ROBO2: variants seen among roughly 807,000 people sequenced by gnomAD.
ROBO2 encodes roundabout guidance receptor 2.
ROBO2 carries 53 observed loss-of-function variants against 160.8 expected under a neutral mutation model. That is an observed-to-expected ratio of 0.33 (90% CI 0.26 to 0.41). ROBO2 has a LOEUF of 0.41. Ranked by LOEUF, ROBO2 falls within the 10% of genes least tolerant of loss-of-function variation. The pLI is 1.00. For missense variants in ROBO2, 1,577 were observed against 1,722.4 expected (o/e 0.92, Z 1.49); for synonymous variants, 664 against 611.7 (o/e 1.09, Z -1.26).
At chr3:76,556,434 A>G (rs2083794828) in intron 2 of ROBO2, among the ~76,000 whole-genome samples, 1 of 152,318 alleles carries the variant, frequency 6.6e-6, no homozygotes, top group Non-Finnish European at 1.5e-5. Context: ...TGGAGGTTGT[A>G]CTTTTTAAGG....
intron 1 of ROBO2, among the ~76,000 whole-genome samples, chr3:75,928,554 C>T (rs182818514): frequency 6.6e-6 from 1 of 152,282 alleles, no homozygotes; most frequent in African/African-American, 2.4e-5. Flanking sequence ...TTCATCAGTC[C>T]TGGGTTACTT....
intron 2 of ROBO2, among the ~76,000 whole-genome samples, chr3:76,043,620 C>CAAA (rs56988287): frequency 0.38 from 14,529 of 38,388 alleles, 3,965 homozygotes; most frequent in South Asian, 0.46. Flanking sequence ...CTTCATCGTC[C>CAAA]AAAAAAAAAA....
chr3:77,558,148 G>A lies in ROBO2; in HGVS notation c.1436G>A (p.Arg479Gln), dbSNP rs746150931. The change falls in exon 9 of 26, where the codon CGG becomes CAG. Residue 479 changes from arginine (R) to glutamine (Q), a missense_variant and splice_region_variant. Arg to Gln is a conservative substitution (Grantham distance 43). This residue lies in a region of ROBO2 where 940 missense variants were observed against 1,135.5 expected (regional missense o/e 0.83). Transcript: ENST00000461745. ...GGCACACTGCAGATTAAGAATTTAC[G>A]GGTAAGTAATATTGGACTTGTACAT... The A allele has an allele frequency of 1.1e-5, 17 of 1,611,562 alleles. No individual in the cohort carries two copies. The highest frequency in any genetic ancestry group is 8.9e-5 in the East Asian group (4 of 44,824).
At chr3:76,141,137 CTCTCTCTCTCTCTCTCTCTCTCTATA>C (rs1185878240) in intron 2 of ROBO2, among the ~76,000 whole-genome samples, 87 of 58,446 alleles carry the variant, frequency 1.5e-3, no homozygotes, top group African/African-American at 6.2e-3. Flanking sequence ...CTCTCTCTCT[CTCTCTCTCTCTCTCTCTCTCTCTATA>C]TATATATATA....
At chr3:76,324,764 A>G (rs369367015) in intron 2 of ROBO2, among the ~76,000 whole-genome samples, 2 of 152,206 alleles carry the variant, frequency 1.3e-5, no homozygotes, top group South Asian at 4.1e-4. Flanking sequence ...GCACTTTACT[A>G]CATGCAATTT....
intron 21 of ROBO2, among the ~76,000 whole-genome samples, chr3:77,617,041 T>C (rs2094795177): frequency 6.6e-6 from 1 of 152,168 alleles, no homozygotes; most frequent in Admixed American, 6.6e-5. Context: ...TAATGACATA[T>C]GGAATGAAAG....
intron 5 of ROBO2, among the ~76,000 whole-genome samples, chr3:77,499,014 A>T (rs2087172593): frequency 6.6e-6 from 1 of 152,208 alleles, no homozygotes; most frequent in African/African-American, 2.4e-5. Flanking sequence ...TAAATGAAAA[A>T]TCTTTATTTT....
At chr3:77,111,213 G>A (rs1283651140) in intron 2 of ROBO2, among the ~76,000 whole-genome samples, 1 of 151,858 alleles carries the variant, frequency 6.6e-6, no homozygotes, top group Non-Finnish European at 1.5e-5. Flanking sequence ...AGCATATCTA[G>A]AATTTATAAA....
At chr3:76,300,435 G>C (rs1159230039) in intron 2 of ROBO2, among the ~76,000 whole-genome samples, 1 of 151,978 alleles carries the variant, frequency 6.6e-6, no homozygotes, top group Admixed American at 6.6e-5. Context: ...TGTTCAGTGA[G>C]AGATATATTG....
chr3:77,478,871 A>G (rs1159546823), intron 3 of ROBO2, among the ~76,000 whole-genome samples: 3 of 152,132 alleles, frequency 2.0e-5, no homozygotes, highest in Non-Finnish European at 4.4e-5. Flanking sequence ...AGAGGCAAAG[A>G]TATTTTTTCC....
At chr3:76,617,877 G>C (rs976606178) in intron 2 of ROBO2, among the ~76,000 whole-genome samples, 1 of 151,608 alleles carries the variant, frequency 6.6e-6, no homozygotes, top group Admixed American at 6.6e-5. Context: ...GCTTAGCAAA[G>C]GAGGAAATGC....
chr3:77,459,006 T>C (rs1224684186), intron 2 of ROBO2, among the ~76,000 whole-genome samples: 2 of 152,196 alleles, frequency 1.3e-5, no homozygotes, highest in Admixed American at 6.5e-5. Flanking sequence ...ATTGACCTTA[T>C]AGACAAGAAA....
At chr3:75,908,799 G>A (rs1309213733) in intron 1 of ROBO2, among the ~76,000 whole-genome samples, 6 of 152,088 alleles carry the variant, frequency 3.9e-5, no homozygotes, top group Non-Finnish European at 7.3e-5. Context: ...CCTAAAAACT[G>A]ACCTGTGTCC....
At chr3:75,917,269 A>G (rs1946852969) in intron 1 of ROBO2, among the ~76,000 whole-genome samples, 1 of 151,830 alleles carries the variant, frequency 6.6e-6, no homozygotes, top group Admixed American at 6.6e-5. Context: ...GCTCCCACTT[A>G]TGAGTGAGAA....
At chr3:77,494,869 A>G (rs189733345) in intron 5 of ROBO2, among the ~76,000 whole-genome samples, 2 of 152,372 alleles carry the variant, frequency 1.3e-5, no homozygotes, top group African/African-American at 4.8e-5. Flanking sequence ...CTACAGGAAT[A>G]AAACAAGTGA....
chr3:76,855,723 T>A lies in ROBO2; in HGVS notation c.110-242291T>A, dbSNP rs2069987183. Among the ~76,000 whole-genome samples the A allele has an allele frequency of 2.0e-5, 3 of 152,354 alleles. No individual in the cohort carries two copies. The South Asian group carries it at 6.2e-4, about 32-fold the overall frequency. On this transcript the variant is annotated intron_variant, in intron 2 of 26. Transcript: ENST00000487694. Reference sequence around the variant, plus strand: ...GATTGCAGTAGTTTGACATTTTTATTTAATTTCCATCAAGAATAAGAAATG... The same window carrying A: ...GATTGCAGTAGTTTGACATTTTTATATAATTTCCATCAAGAATAAGAAATG...
chr3:76,014,912 A>G (rs890896400), intron 2 of ROBO2, among the ~76,000 whole-genome samples: 59 of 152,324 alleles, frequency 3.9e-4, no homozygotes, highest in African/African-American at 1.4e-3. Flanking sequence ...TGAACCACAG[A>G]GTGAGACCCT....
upstream of ROBO2, among the ~76,000 whole-genome samples, chr3:77,037,919 T>G (rs2149590074): frequency 6.6e-6 from 1 of 152,304 alleles, no homozygotes; most frequent in South Asian, 2.1e-4. Context: ...TCTTAAAAAT[T>G]TCACCCGCGT....
intron 2 of ROBO2, among the ~76,000 whole-genome samples, chr3:76,126,916 T>A (rs1294539322): frequency 1.3e-5 from 2 of 152,156 alleles, no homozygotes; most frequent in Non-Finnish European, 2.9e-5. Flanking sequence ...CAAGATTTGT[T>A]TAAGACTGAG....
Sources: allele counts gnomAD v4.1 joint callset (sites outside exome capture counted in the v4.1 genomes callset), GRCh38; gene constraint gnomAD v4.1.1; regional missense constraint gnomAD v4.1.1; transcripts MANE v1.5; gene names NCBI Gene and HGNC (gene_info 2026-07-23, HGNC 2026-07-21).